Variants in ZNF641 observed in about 807,000 individuals in gnomAD.
ZNF641 encodes the protein zinc finger protein 641.
A neutral mutation model predicts 46.2 loss-of-function variants in ZNF641; 26 were observed. That is an observed-to-expected ratio of 0.56 (90% CI 0.41 to 0.78). The LOEUF (loss-of-function observed/expected upper bound fraction) is 0.78, where lower values mean the gene tolerates loss of function less well. ZNF641 is among the 30% of genes least tolerant of loss of function. The pLI is 0.00. For missense variants in ZNF641, 469 were observed against 517.8 expected (o/e 0.91, Z 0.91); for synonymous variants, 163 against 187.9 (o/e 0.87, Z 1.09).
intron 3 of ZNF641, 179 bp downstream of exon 3, chr12:48,347,073 G>A: frequency 1.7e-6 from 2 of 1,148,162 alleles, no homozygotes; most frequent in Non-Finnish European, 2.3e-6. Context: ...CTTTCTTGTA[G>A]GTCCATTTAA....
chr12:48,343,645 A>G lies in ZNF641; in HGVS notation c.603T>C (p.Thr201=). 6.3e-7 allele frequency: 1 copy of G among 1,585,396 alleles called. No homozygotes were observed. Among genetic ancestry groups the G allele is most frequent in the South Asian group, 1.2e-5 (1 of 86,778 alleles). The part of the protein sequence containing the change: ...PRMLSSVSED[T]VLWNPEHDES... Reference sequence around the variant, plus strand: ...CATCATGCTCCGGGTTCCAGAGAACAGTATCTTCAGACACGCTGGATAACA... The same window carrying G: ...CATCATGCTCCGGGTTCCAGAGAACGGTATCTTCAGACACGCTGGATAACA... Residue 201 remains threonine, a synonymous_variant, in exon 6 of 6, where the codon ACT becomes ACC. Coordinates refer to ENST00000547026, the MANE Select transcript of ZNF641 (RefSeq NM_001172681.2).
intron 1 of ZNF641, chr12:48,350,344 G>T: frequency 2.4e-6 from 2 of 846,560 alleles, no homozygotes; most frequent in Non-Finnish European, 3.3e-6. Context: ...CCCCTGCCAC[G>T]GGTAGGGCAT....
chr12:48,335,490 A>T (rs1952597584), downstream of ZNF641, among the ~76,000 whole-genome samples: 1 of 152,230 alleles, frequency 6.6e-6, no homozygotes, highest in African/African-American at 2.4e-5. Context: ...ACTTTCATTC[A>T]TTCAGCAAAA....
rs1020478344 is a variant in ZNF641, at chr12:48,340,605, T to C, written c.*2368A>G. 1.9e-5 allele frequency: 19 copies of C among 985,334 alleles called. No homozygotes were observed. In the African/African-American group the frequency reaches 2.6e-4, roughly 14 times the overall value. The allele number at this position is 985,334 out of a possible 1,614,324, so 61.0% of individuals were successfully genotyped here. A position where few individuals can be genotyped will look rare whatever the true frequency, so the allele number is the denominator to read the frequency against. On this transcript the variant is annotated 3_prime_UTR_variant, in exon 6 of 6. Coordinates refer to ENST00000547026, the MANE Select transcript of ZNF641 (RefSeq NM_001172681.2). ...TCTTGACACAAATATATAATGACCA[T>C]TTTAGATCGGGGAACTCCCTTTCTT...
chr12:48,346,773 G>A (rs1315391499), intron 3 of ZNF641, among the ~76,000 whole-genome samples: 7 of 152,208 alleles, frequency 4.6e-5, no homozygotes, highest in African/African-American at 1.2e-4. Flanking sequence ...CACTTTGGGA[G>A]GCTGAGGTGG....
In ZNF641 at chr12:48,341,108, C is replaced by A. The variant is rs540836296; in HGVS notation, c.*1865G>T. ...AGCCCAGTCAGCAAAATAAGTCTAT[C>A]TTCAATTCTAGTTGAGTCCAGGACT... On this transcript the variant is annotated 3_prime_UTR_variant, in exon 6 of 6. Coordinates refer to ENST00000547026, the MANE Select transcript of ZNF641 (RefSeq NM_001172681.2). 29 of 985,432 alleles carry A rather than the reference C, an allele frequency of 2.9e-5. 1 individual carries two copies. In the South Asian group the frequency reaches 1.3e-3, roughly 43 times the overall value. 61.0% of individuals were successfully genotyped at this position (985,432 alleles called of 1,614,324 possible).
At chr12:48,350,977 G>C, upstream of ZNF641, 1 of 445,466 alleles carries the variant, frequency 2.2e-6, no homozygotes, top group Non-Finnish European at 3.0e-6. Context: ...CTCTGCGGCG[G>C]CGGAGGTGCG....
In ZNF641 at chr12:48,347,987, C is replaced by T. The variant is rs143326521; in HGVS notation, c.104G>A (p.Arg35Gln). Residue 35 changes from arginine (R) to glutamine (Q), a missense_variant, in exon 2 of 6, where the codon CGG becomes CAG. Coordinates refer to ENST00000547026, the MANE Select transcript of ZNF641 (RefSeq NM_001172681.2). The part of the protein sequence containing the change: ...PQVERGSQEE[R>Q]PWRTVPGPLE... Reference sequence around the variant, plus strand: ...AGGTCCTGGTACTGTTCTCCATGGCCGCTCTTCCTGGCTTCCCCTTTCCAC... The same window carrying T: ...AGGTCCTGGTACTGTTCTCCATGGCTGCTCTTCCTGGCTTCCCCTTTCCAC... 23 of 1,614,096 alleles carry T rather than the reference C, an allele frequency of 1.4e-5. No homozygotes were observed. The highest frequency in any genetic ancestry group is 2.2e-5 in the East Asian group (1 of 44,894).
intron 5 of ZNF641, 125 bp from the exon 6 acceptor site, chr12:48,343,852 A>G (rs1952789374): frequency 1.1e-6 from 1 of 877,664 alleles, no homozygotes. Context: ...GGGCTGAGAG[A>G]ACATAGTCTA....
chr12:48,341,199 A>G lies in ZNF641; in HGVS notation c.*1774T>C. The G allele has an allele frequency of 1.0e-6, 1 of 985,420 alleles. No homozygotes were observed. Among genetic ancestry groups the G allele is most frequent in the Non-Finnish European group, 1.2e-6 (1 of 829,926 alleles). 61.0% of individuals were successfully genotyped at this position (985,420 alleles called of 1,614,324 possible). On this transcript the variant is annotated 3_prime_UTR_variant, in exon 6 of 6. Coordinates refer to ENST00000547026, the MANE Select transcript of ZNF641 (RefSeq NM_001172681.2). The stretch of plus-strand genomic sequence containing the variant: ...ACAGTCGCTAAACTAAATTGGTGCA[A>G]TTCACTTCCTCTTGCCTCTCTGGTT...
chr12:48,341,026 T>G lies in ZNF641; in HGVS notation c.*1947A>C. ...AGAATGAAGGAAGAAGGAAGGCTGC[T>G]CACAGTAGCAGAAGGGAGGCAGGGG... On this transcript the variant is annotated 3_prime_UTR_variant, in exon 6 of 6. Coordinates refer to ENST00000547026, the MANE Select transcript of ZNF641 (RefSeq NM_001172681.2). The G allele has an allele frequency of 1.0e-6, 1 of 985,494 alleles. No homozygotes were observed. Among genetic ancestry groups the G allele is most frequent in the Non-Finnish European group, 1.2e-6 (1 of 829,958 alleles). The allele number at this position is 985,494 out of a possible 1,614,324, so 61.0% of individuals were successfully genotyped here.
At position 48,340,222 on chromosome 12, in the gene ZNF641, G is replaced by C. The variant is rs1218531551; in HGVS notation, c.*2751C>G. The stretch of plus-strand genomic sequence containing the variant: ...TACACCAGAAATAACCCAAAGGATT[G>C]CCCCTTCTGTAGAAGGCCCTTAGAC... On this transcript the variant is annotated 3_prime_UTR_variant, in exon 6 of 6. Coordinates refer to ENST00000547026, the MANE Select transcript of ZNF641 (RefSeq NM_001172681.2). 5.1e-6 allele frequency: 5 copies of C among 985,296 alleles called. No individual in the cohort carries two copies. In the Admixed American group the frequency reaches 3.1e-4, roughly 61 times the overall value. 61.0% of individuals were successfully genotyped at this position (985,296 alleles called of 1,614,324 possible). A position where few individuals can be genotyped will look rare whatever the true frequency, so the allele number is the denominator to read the frequency against.
chr12:48,344,304 T>G (rs191924266), intron 5 of ZNF641: 2 of 203,296 alleles, frequency 9.8e-6, no homozygotes, highest in African/African-American at 2.3e-5. Flanking sequence ...TGCTTGGCAC[T>G]GTTCTATTCT....
Position 48,347,274 on chromosome 12 carries a change from G to A in ZNF641, c.254C>T (p.Ala85Val). Reference sequence around the variant, plus strand: ...CACCTGTGATCCAGCCGCAAGAAGTGCAGCTGCCATCTCCCAGTCTCCAGT... The same window carrying A: ...CACCTGTGATCCAGCCGCAAGAAGTACAGCTGCCATCTCCCAGTCTCCAGT... ...GNTGDWEMAA[A>V]LLAAGSQGLV... The change falls in exon 3 of 6, where the codon GCA becomes GTA. Residue 85 changes from alanine to valine, a missense_variant. By Grantham distance (64) the Ala-to-Val change is moderately conservative. This residue lies in a region of ZNF641 where 98 missense variants were observed against 105.7 expected (regional missense o/e 0.93). Transcript: ENST00000547026. 6.2e-7 allele frequency: 1 copy of A among 1,613,986 alleles called. No homozygotes were observed. Among genetic ancestry groups the A allele is most frequent in the South Asian group, 1.1e-5 (1 of 91,082 alleles).
chr12:48,343,069 C>T lies in ZNF641; in HGVS notation c.1179G>A (p.Lys393=), dbSNP rs138901658. 1,072 of 1,614,264 alleles carry T rather than the reference C, an allele frequency of 6.6e-4. 15 individuals are homozygous for T. In the African/African-American group the frequency reaches 0.013, roughly 20 times the overall value. ...EKPFQCPRCE[K]SFGRKHHLDR... is the part of the protein sequence containing the mutation. Reference sequence around the variant, plus strand: ...CCAGGTGATGTTTTCGGCCAAAGCTCTTCTCACAGCGAGGGCACTGGAAGG... The same window carrying T: ...CCAGGTGATGTTTTCGGCCAAAGCTTTTCTCACAGCGAGGGCACTGGAAGG... The change falls in exon 6 of 6, where the codon AAG becomes AAA. Residue 393 remains lysine, a synonymous_variant. Coordinates refer to ENST00000547026, the MANE Select transcript of ZNF641 (RefSeq NM_001172681.2).
rs886770549 is a variant in ZNF641, at chr12:48,341,969, A to G, written c.*1004T>C. 30 of 985,216 alleles carry G rather than the reference A, an allele frequency of 3.0e-5. No individual in the cohort carries two copies. The highest frequency in any genetic ancestry group is 3.6e-5 in the Non-Finnish European group (30 of 829,954). The allele number at this position is 985,216 out of a possible 1,614,324, so 61.0% of individuals were successfully genotyped here. On this transcript the variant is annotated 3_prime_UTR_variant, in exon 6 of 6. Coordinates refer to ENST00000547026, the MANE Select transcript of ZNF641 (RefSeq NM_001172681.2). ...GAAAAAACCCCATATAATCCCCACT[A>G]CCCTCATCCCCAGAACACAGCCCCT... is the stretch of plus-strand genomic sequence containing the variant.
At chr12:48,348,992 G>T (rs890888495) in intron 1 of ZNF641, among the ~76,000 whole-genome samples, 1 of 152,200 alleles carries the variant, frequency 6.6e-6, no homozygotes, top group African/African-American at 2.4e-5. Flanking sequence ...GCCAGTGTGT[G>T]TTCATCAGAA....
At chr12:48,337,101 G>C (rs1003896850), downstream of ZNF641, 1 of 152,260 alleles carries the variant, frequency 6.6e-6, no homozygotes, top group Non-Finnish European at 1.5e-5. Flanking sequence ...ATCTTCTCCC[G>C]TTCTGTGGTA....
chr12:48,340,338 C>T lies in ZNF641; in HGVS notation c.*2635G>A, dbSNP rs1318742987. The T allele has an allele frequency of 1.0e-6, 1 of 985,408 alleles. No homozygotes were observed. 61.0% of individuals were successfully genotyped at this position (985,408 alleles called of 1,614,324 possible). A position where few individuals can be genotyped will look rare whatever the true frequency, so the allele number is the denominator to read the frequency against. ...TACAATTACTCAAACAGATAAAAGG[C>T]TGGATGTTAACATGTAGTTATAAGG... is the stretch of plus-strand genomic sequence containing the variant. On this transcript the variant is annotated 3_prime_UTR_variant, in exon 6 of 6. Coordinates refer to ENST00000547026, the MANE Select transcript of ZNF641 (RefSeq NM_001172681.2).
Sources: allele counts gnomAD v4.1 joint callset (sites outside exome capture counted in the v4.1 genomes callset), GRCh38; gene constraint gnomAD v4.1.1; regional missense constraint gnomAD v4.1.1; transcripts MANE v1.5; gene names NCBI Gene and HGNC (gene_info 2026-07-23, HGNC 2026-07-21).